The following MALRD1 variants were observed in gnomAD, a reference collection of about 807,000 sequenced individuals.
MALRD1 encodes the protein MAM and LDL-receptor class A domain-containing protein 1.
A neutral mutation model predicts 242.1 loss-of-function variants in MALRD1; 247 were observed. The observed-to-expected ratio is 1.02, with a 90% CI of 0.92 to 1.13. MALRD1 has a LOEUF of 1.13. Among genes scored for constraint, MALRD1 ranks in the 50% most tolerant of loss-of-function variants. The pLI, the probability that MALRD1 is intolerant of heterozygous loss-of-function variation, is 0.00. For missense variants in MALRD1, 2,989 were observed against 2,533.1 expected, an observed-to-expected ratio of 1.18 and a Z score of -3.86; for synonymous variants, 995 against 866.6, an observed-to-expected ratio of 1.15 and a Z score of -2.60.
intron 28 of MALRD1, among the ~76,000 whole-genome samples, chr10:19,419,640 G>GA (rs1589048146): frequency 6.6e-6 from 1 of 151,948 alleles, no homozygotes; most frequent in East Asian, 1.9e-4. Context: ...CTTTCAAATG[G>GA]AAAAATCCTT....
At chr10:19,120,972 G>C (rs945773839) in intron 5 of MALRD1, among the ~76,000 whole-genome samples, 8 of 151,530 alleles carry the variant, frequency 5.3e-5, no homozygotes, top group Admixed American at 5.3e-4. Flanking sequence ...TTGAACTCCT[G>C]ACCTCAGGTG....
chr10:19,331,052 TGGA>T (rs1219478498), intron 23 of MALRD1, among the ~76,000 whole-genome samples: 1 of 152,152 alleles, frequency 6.6e-6, no homozygotes, highest in Non-Finnish European at 1.5e-5. Flanking sequence ...TAGGTCTTGT[TGGA>T]GATCTGAGAG....
chr10:19,483,025 A>G (rs1837078707), intron 29 of MALRD1, among the ~76,000 whole-genome samples: 1 of 152,140 alleles, frequency 6.6e-6, no homozygotes, highest in Non-Finnish European at 1.5e-5. Context: ...GAGTCATCAC[A>G]TTACATGACT....
At chr10:19,586,302 C>T (rs1400668384) in intron 33 of MALRD1, among the ~76,000 whole-genome samples, 3 of 152,142 alleles carry the variant, frequency 2.0e-5, no homozygotes, top group Admixed American at 2.0e-4. Flanking sequence ...GAGAGGTGCT[C>T]TGCTTTTTAG....
At chr10:19,517,855 C>G (rs903100875) in intron 31 of MALRD1, among the ~76,000 whole-genome samples, 2 of 152,192 alleles carry the variant, frequency 1.3e-5, no homozygotes, top group Non-Finnish European at 2.9e-5. Context: ...TCACTTGGTG[C>G]TTCTGAGGGT....
At chr10:19,101,092 G>A (rs1836232814) in intron 4 of MALRD1, among the ~76,000 whole-genome samples, 1 of 151,272 alleles carries the variant, frequency 6.6e-6, no homozygotes, top group Admixed American at 6.6e-5. Context: ...TTACATGTTC[G>A]CAACTCATTT....
chr10:19,072,099 C>G (rs1232250284), intron 2 of MALRD1, among the ~76,000 whole-genome samples: 1 of 152,138 alleles, frequency 6.6e-6, no homozygotes, highest in Admixed American at 6.5e-5. Context: ...CTTATCTGCA[C>G]GTACACATTT....
At chr10:19,707,222 T>C (rs1206687490) in intron 38 of MALRD1, among the ~76,000 whole-genome samples, 1 of 151,292 alleles carries the variant, frequency 6.6e-6, no homozygotes, top group Non-Finnish European at 1.5e-5. Context: ...TCCTTCTTCT[T>C]CTCCTTCTCC....
intron 36 of MALRD1, among the ~76,000 whole-genome samples, chr10:19,648,132 C>G (rs1840726778): frequency 6.6e-6 from 1 of 152,134 alleles, no homozygotes; most frequent in Non-Finnish European, 1.5e-5. Flanking sequence ...CAAAACTCCT[C>G]AAGGGTTACC....
intron 38 of MALRD1, among the ~76,000 whole-genome samples, chr10:19,720,235 C>T (rs1252535437): frequency 2.0e-5 from 3 of 152,166 alleles, no homozygotes; most frequent in Non-Finnish European, 4.4e-5. Context: ...CATAAAATCT[C>T]TCCTCCCTCC....
At chr10:19,052,124 C>A in intron 1 of MALRD1, 2 of 453,496 alleles carry the variant, frequency 4.4e-6, no homozygotes, top group South Asian at 3.3e-5. Flanking sequence ...CATATAGCAT[C>A]AAAGTTGTCT....
intron 19 of MALRD1, among the ~76,000 whole-genome samples, chr10:19,266,832 T>C (rs182010216): frequency 9.9e-5 from 15 of 152,096 alleles, no homozygotes; most frequent in Admixed American, 9.8e-4. Context: ...GTCTATTACC[T>C]GAGGAGACCG....
intron 14 of MALRD1, among the ~76,000 whole-genome samples, chr10:19,203,142 T>A (rs2131612783): frequency 6.6e-6 from 1 of 152,264 alleles, no homozygotes; most frequent in South Asian, 2.1e-4. Context: ...TCTTCCAAAA[T>A]ATCTCTGTGG....
intron 31 of MALRD1, among the ~76,000 whole-genome samples, chr10:19,525,578 T>C (rs892579057): frequency 1.3e-5 from 2 of 152,204 alleles, no homozygotes; most frequent in Non-Finnish European, 2.9e-5. Context: ...AAAAGTTGAA[T>C]ATTAATTGGA....
intron 32 of MALRD1, among the ~76,000 whole-genome samples, chr10:19,541,821 C>T (rs528335903): frequency 2.6e-4 from 39 of 152,184 alleles, no homozygotes; most frequent in African/African-American, 6.7e-4. Context: ...TTGAGAGCTG[C>T]GCCAGAGTAA....
At chr10:19,367,811 AT>A in intron 26 of MALRD1, among the ~76,000 whole-genome samples, 1 of 152,182 alleles carries the variant, frequency 6.6e-6, no homozygotes, top group Admixed American at 6.6e-5. Flanking sequence ...TACAAGGGTG[AT>A]GTGATACCTC....
chr10:19,414,055 A>T (rs2130893892), intron 28 of MALRD1, among the ~76,000 whole-genome samples: 2 of 152,270 alleles, frequency 1.3e-5, no homozygotes, highest in Admixed American at 1.3e-4. Context: ...AACAAAAAAA[A>T]AAAGTTCAAT....
chr10:19,102,305 G>C (rs1300749653), intron 4 of MALRD1, among the ~76,000 whole-genome samples: 1 of 151,550 alleles, frequency 6.6e-6, no homozygotes, highest in South Asian at 2.1e-4. Flanking sequence ...AATAATCTTT[G>C]CCAGGCCTTT....
At chr10:19,536,845 C>T (rs1834703749) in intron 32 of MALRD1, among the ~76,000 whole-genome samples, 2 of 152,120 alleles carry the variant, frequency 1.3e-5, no homozygotes, top group Admixed American at 1.3e-4. Context: ...ATTTGTCATA[C>T]AGCACTGGAG....
Sources: gnomAD v4.1 joint callset for allele counts (sites outside exome capture counted in the v4.1 genomes callset) on GRCh38, gnomAD v4.1.1 for gene constraint, MANE v1.5 for transcripts, NCBI Gene and HGNC (gene_info 2026-07-23, HGNC 2026-07-21) for gene names.